The following SUPT3H variants were observed in gnomAD, a reference collection of about 807,000 sequenced individuals.
SUPT3H encodes SPT3 homolog, SAGA and STAGA complex component.
SUPT3H carries 44 observed loss-of-function variants against 44.3 expected under a neutral mutation model. That is an observed-to-expected ratio of 0.99 (90% CI 0.78 to 1.28). The LOEUF (loss-of-function observed/expected upper bound fraction) is 1.28, where lower values mean the gene tolerates loss of function less well. SUPT3H is among the 50% of genes most tolerant of loss of function. The pLI, the probability that SUPT3H is intolerant of heterozygous loss-of-function variation, is 0.00. For synonymous variants in SUPT3H, 124 were observed against 125.6 expected, an observed-to-expected ratio of 0.99 and a Z score of 0.09; for missense variants, 380 against 387.1, an observed-to-expected ratio of 0.98 and a Z score of 0.15.
chr6:45,004,050 C>T (rs1234765844), intron 5 of SUPT3H, among the ~76,000 whole-genome samples: 1 of 151,780 alleles, frequency 6.6e-6, no homozygotes, highest in Non-Finnish European at 1.5e-5. Context: ...TAATTAAATC[C>T]CTTATAAAAA....
At chr6:44,868,429 A>G (rs1207093347) in intron 10 of SUPT3H, among the ~76,000 whole-genome samples, 1 of 152,244 alleles carries the variant, frequency 6.6e-6, no homozygotes, top group Non-Finnish European at 1.5e-5. Flanking sequence ...CAGCCTTTTA[A>G]GGATGATGTC....
At chr6:45,092,205 G>A (rs1371523274) in intron 3 of SUPT3H, among the ~76,000 whole-genome samples, 2 of 151,172 alleles carry the variant, frequency 1.3e-5, no homozygotes, top group African/African-American at 2.4e-5. Context: ...CTACTCTACT[G>A]CAAAAAAAAC....
chr6:45,025,207 C>T (rs552897178), intron 3 of SUPT3H, among the ~76,000 whole-genome samples: 5 of 151,970 alleles, frequency 3.3e-5, no homozygotes, highest in African/African-American at 9.7e-5. Flanking sequence ...CTTTAAAATA[C>T]GAGCTTTAAA....
intron 2 of SUPT3H, chr6:45,159,234 T>C (rs1808529030): frequency 6.6e-6 from 1 of 152,208 alleles, no homozygotes; most frequent in African/African-American, 2.4e-5. Context: ...CATTTTCCAA[T>C]GATGCAATAT....
chr6:45,245,319 A>G (rs142917596), intron 2 of SUPT3H, among the ~76,000 whole-genome samples: 38 of 152,268 alleles, frequency 2.5e-4, no homozygotes, highest in African/African-American at 9.1e-4. Flanking sequence ...TATTGTAACC[A>G]TTCTTAAGGT....
At chr6:44,986,043 T>A (rs1779744771) in intron 6 of SUPT3H, among the ~76,000 whole-genome samples, 1 of 152,182 alleles carries the variant, frequency 6.6e-6, no homozygotes, top group African/African-American at 2.4e-5. Flanking sequence ...GTCCATTATC[T>A]TTTAATATGT....
At chr6:44,895,793 A>C (rs1764036376) in intron 10 of SUPT3H, among the ~76,000 whole-genome samples, 1 of 152,078 alleles carries the variant, frequency 6.6e-6, no homozygotes. Flanking sequence ...GCAAACAATT[A>C]TTTTACTGCT....
Position 45,003,726 on chromosome 6 carries a change from A to T in SUPT3H, c.431T>A (p.Ile144Asn), listed in dbSNP as rs2153506045. The T allele has an allele frequency of 6.2e-7, 1 of 1,613,892 alleles. No individual in the cohort carries two copies. Among genetic ancestry groups the T allele is most frequent in the Non-Finnish European group, 8.5e-7 (1 of 1,179,858 alleles). ...TGCTAAAAGTTCTCCTGTCTGGTCAATAGAGTTGAGGAAGTCCTGAGCAAT... is the reference window on the plus strand; with the variant it reads ...TGCTAAAAGTTCTCCTGTCTGGTCATTAGAGTTGAGGAAGTCCTGAGCAAT... ...QKIAQDFLNS[I>N]DQTGELLAMF... The change falls in exon 6 of 11, where the codon ATT becomes AAT. Residue 144 changes from isoleucine to asparagine, a missense_variant. By Grantham distance (149) the Ile-to-Asn change is moderately radical (BLOSUM62 -3). Transcript: ENST00000371459.
intron 9 of SUPT3H, among the ~76,000 whole-genome samples, chr6:44,950,977 T>C (rs919930466): frequency 3.3e-5 from 5 of 151,966 alleles, no homozygotes; most frequent in African/African-American, 1.2e-4. Flanking sequence ...CCATCAACAA[T>C]TCATTCCTTC....
At chr6:45,236,567 G>A (rs748072051) in intron 2 of SUPT3H, among the ~76,000 whole-genome samples, 3 of 151,964 alleles carry the variant, frequency 2.0e-5, no homozygotes, top group Admixed American at 6.6e-5. Context: ...AAGAAAAAGA[G>A]TGGCCTAACC....
chr6:45,016,952 T>C (rs1159431127), intron 4 of SUPT3H, among the ~76,000 whole-genome samples: 1 of 149,212 alleles, frequency 6.7e-6, no homozygotes, highest in Non-Finnish European at 1.5e-5. Flanking sequence ...TAGTTTACAG[T>C]CCCACCAACA....
intron 2 of SUPT3H, among the ~76,000 whole-genome samples, chr6:45,133,738 CAGG>C (rs936492789): frequency 6.6e-6 from 1 of 152,126 alleles, no homozygotes; most frequent in Non-Finnish European, 1.5e-5. Context: ...CAGGAGAAAG[CAGG>C]AGGTGATAAC....
intron 2 of SUPT3H, among the ~76,000 whole-genome samples, chr6:45,260,775 T>C (rs1774232168): frequency 6.6e-6 from 1 of 152,080 alleles, no homozygotes; most frequent in South Asian, 2.1e-4. Flanking sequence ...AGATCATCTC[T>C]GAACAATGAA....
chr6:45,346,859 C>T (rs1790991485), intron 2 of SUPT3H, among the ~76,000 whole-genome samples: 1 of 151,990 alleles, frequency 6.6e-6, no homozygotes, highest in African/African-American at 2.4e-5. Context: ...GCCATCGCGC[C>T]GGGCCTCAAT....
At chr6:44,840,687 C>T (rs775724545) in intron 10 of SUPT3H, among the ~76,000 whole-genome samples, 1 of 152,192 alleles carries the variant, frequency 6.6e-6, no homozygotes, top group Non-Finnish European at 1.5e-5. Context: ...CAGATTGACA[C>T]ATTCACTATA....
intron 6 of SUPT3H, among the ~76,000 whole-genome samples, chr6:44,998,604 T>C (rs1781583281): frequency 6.6e-6 from 1 of 151,914 alleles, no homozygotes; most frequent in Admixed American, 6.6e-5. Context: ...TAGAATTAAA[T>C]TTTTTAGTGG....
At chr6:44,836,484 A>C (rs1435422940) in intron 10 of SUPT3H, among the ~76,000 whole-genome samples, 1 of 152,164 alleles carries the variant, frequency 6.6e-6, no homozygotes, top group Non-Finnish European at 1.5e-5. Context: ...CTCTCATTGT[A>C]GTCCATGTAA....
intron 3 of SUPT3H, among the ~76,000 whole-genome samples, chr6:45,078,630 TG>T (rs1406799473): frequency 6.6e-6 from 1 of 152,222 alleles, no homozygotes; most frequent in Non-Finnish European, 1.5e-5. Context: ...TTTGCTCCTC[TG>T]GGAAGGTCTC....
In SUPT3H at chr6:45,369,895, C is replaced by A. The variant is rs142162695; in HGVS notation, c.1-4594G>T. Reference sequence around the variant, plus strand: ...AGATCTGGGAGGGAGCTCTGGAGAACTTCCCAACAGAAAGAACAGCAAAGT... The same window carrying A: ...AGATCTGGGAGGGAGCTCTGGAGAAATTCCCAACAGAAAGAACAGCAAAGT... On this transcript the variant is annotated intron_variant, in intron 1 of 10. Transcript: ENST00000371459. 9.1e-3 allele frequency among the ~76,000 whole-genome samples: 1,378 copies of A among 152,246 alleles called. 14 individuals are homozygous for A. The highest frequency in any genetic ancestry group is 0.028 in the South Asian group (136 of 4,822).
Sources: gnomAD v4.1 joint callset for allele counts (sites outside exome capture counted in the v4.1 genomes callset) on GRCh38, gnomAD v4.1.1 for gene constraint, MANE v1.5 for transcripts, NCBI Gene and HGNC (gene_info 2026-07-23, HGNC 2026-07-21) for gene names.